Variants in TSHZ1 observed in about 807,000 individuals in gnomAD.
TSHZ1 encodes teashirt homolog 1.
In TSHZ1, 12 loss-of-function variants were observed where a neutral mutation model predicts 67.1. The observed-to-expected ratio is 0.18, with a 90% CI of 0.11 to 0.29. TSHZ1 has a LOEUF of 0.29. TSHZ1 is among the 10% of genes least tolerant of loss of function. The pLI is 1.00. For missense variants in TSHZ1, 1,305 were observed against 1,413.9 expected, an observed-to-expected ratio of 0.92 and a Z score of 1.23; for synonymous variants, 632 against 622.4, an observed-to-expected ratio of 1.02 and a Z score of -0.23.
chr18:75,269,624 T>C (rs1245727190), intron 1 of TSHZ1, among the ~76,000 whole-genome samples: 1 of 152,200 alleles, frequency 6.6e-6, no homozygotes, highest in Non-Finnish European at 1.5e-5. Context: ...TATTTTTCTA[T>C]TGTAGTAAAA....
At chr18:75,259,070 C>T (rs1010817238) in intron 1 of TSHZ1, among the ~76,000 whole-genome samples, 2 of 152,184 alleles carry the variant, frequency 1.3e-5, no homozygotes, top group Non-Finnish European at 2.9e-5. Flanking sequence ...TTTCTGTTTT[C>T]CTCACCTTTC....
chr18:75,286,383 A>G lies in TSHZ1; in HGVS notation c.976A>G (p.Met326Val), dbSNP rs754555813. Residue 326 changes from methionine to valine, a missense_variant, in exon 2 of 2, where the codon ATG becomes GTG. Physicochemically the swap from Met to Val is conservative, Grantham distance 21. Transcript: ENST00000580243. The surrounding 1 kb of genome is among the most constrained non-coding windows in gnomAD (Gnocchi z 5.1). ...GTCCTTGCAGGACCTCAGCGTCCAC[A>G]TGATCAAAACCAAGCATTACCAGAA... ...FESLQDLSVH[M>V]IKTKHYQKVP... 3 of 1,614,056 alleles carry G rather than the reference A, an allele frequency of 1.9e-6. No individual in the cohort carries two copies. The highest frequency in any genetic ancestry group is 2.5e-6 in the Non-Finnish European group (3 of 1,180,044).
intron 1 of TSHZ1, among the ~76,000 whole-genome samples, chr18:75,264,489 T>C (rs1191728059): frequency 3.8e-5 from 1 of 26,190 alleles, no homozygotes. Flanking sequence ...GACAGATTTT[T>C]TTTTTTTTTT....
chr18:75,248,168 C>T (rs1203187338), intron 1 of TSHZ1, among the ~76,000 whole-genome samples: 2 of 152,212 alleles, frequency 1.3e-5, no homozygotes, highest in African/African-American at 2.4e-5. Flanking sequence ...ATCAGGCAGA[C>T]AAGACTTTCA....
intron 1 of TSHZ1, among the ~76,000 whole-genome samples, chr18:75,231,571 T>C (rs565853780): frequency 6.6e-6 from 1 of 152,332 alleles, no homozygotes; most frequent in Non-Finnish European, 1.5e-5. Context: ...AGTCTCGCTC[T>C]GTCCCCAGGC....
In TSHZ1 at chr18:75,285,736, A is replaced by G; in HGVS notation, c.329A>G (p.Gln110Arg). Reference sequence around the variant, plus strand: ...TGTCCCGACAGCGTCTCGTACCCCCAGGACAGCCTGGCACAGATCAAAGCT... The same window carrying G: ...TGTCCCGACAGCGTCTCGTACCCCCGGGACAGCCTGGCACAGATCAAAGCT... ...PQCPDSVSYP[Q>R]DSLAQIKAVY... Residue 110 changes from glutamine to arginine, a missense_variant, in exon 2 of 2, where the codon CAG becomes CGG. Physicochemically the swap from Gln to Arg is conservative, Grantham distance 43. Coordinates refer to ENST00000580243, the MANE Select transcript of TSHZ1 (RefSeq NM_001308210.2). The G allele has an allele frequency of 5.6e-6, 9 of 1,614,106 alleles. No individual in the cohort carries two copies. Among genetic ancestry groups the G allele is most frequent in the Non-Finnish European group, 6.8e-6 (8 of 1,179,988 alleles).
intron 1 of TSHZ1, among the ~76,000 whole-genome samples, chr18:75,280,412 C>T (rs1946339933): frequency 6.6e-6 from 1 of 152,332 alleles, no homozygotes; most frequent in African/African-American, 2.4e-5. Flanking sequence ...GTGTCTGGCA[C>T]ATAATGGCTG....
At position 75,285,890 on chromosome 18, in the gene TSHZ1, C is replaced by A. The variant is rs143523598; in HGVS notation, c.483C>A (p.Pro161=). 4.0e-5 allele frequency: 62 copies of A among 1,542,318 alleles called. No individual in the cohort carries two copies. The East Asian group carries it at 6.1e-4, about 15-fold the overall frequency. ...KESSAPTPTP[P]TCPVSTTGPT... ...GCTCCGCCCCCACCCCCACACCCCC[C>A]ACCTGCCCCGTCAGCACCACTGGCC... Residue 161 remains proline (P), a synonymous_variant, in exon 2 of 2, where the codon CCC becomes CCA. Coordinates refer to ENST00000580243, the MANE Select transcript of TSHZ1 (RefSeq NM_001308210.2).
At chr18:75,257,203 A>AGATT (rs1411143111) in intron 1 of TSHZ1, among the ~76,000 whole-genome samples, 1 of 152,230 alleles carries the variant, frequency 6.6e-6, no homozygotes, top group Non-Finnish European at 1.5e-5. Flanking sequence ...CTTCATTGAG[A>AGATT]GATTATTCAA....
intron 1 of TSHZ1, among the ~76,000 whole-genome samples, chr18:75,220,724 C>A (rs895335734): frequency 6.6e-6 from 1 of 152,150 alleles, no homozygotes; most frequent in Non-Finnish European, 1.5e-5. Flanking sequence ...TTTCCAGGCT[C>A]TCGTTTCTGG....
rs527267923 is a variant in TSHZ1 at position 75,223,216 on chromosome 18, A to G, written c.40+11300A>G. Among the ~76,000 whole-genome samples the G allele has an allele frequency of 2.0e-5, 3 of 152,328 alleles. No individual in the cohort carries two copies. In the South Asian group the frequency reaches 6.2e-4, roughly 32 times the overall value. ...AGGGATACATGGAAATTATATATAT[A>G]TAAATTCGTTTGTCTGTTTCTATAG... On this transcript the variant is annotated intron_variant, in intron 1 of 1. Transcript: ENST00000580243.
In TSHZ1 at chr18:75,281,789, G is replaced by C. The variant is rs2023689778; in HGVS notation, c.41-3659G>C. 6.6e-6 allele frequency among the ~76,000 whole-genome samples: 1 copy of C among 152,106 alleles called. No individual in the cohort carries two copies. Among genetic ancestry groups the C allele is most frequent in the Admixed American group, 6.5e-5 (1 of 15,284 alleles). On this transcript the variant is annotated intron_variant, in intron 1 of 1. Transcript: ENST00000580243. The surrounding 1 kb of genome is among the most constrained non-coding windows in gnomAD (Gnocchi z 5.3). ...GCAACCGGGTGGGGAGTGAGAAGTT[G>C]CCTCCAGATGGCATCTGGAAGGGGG...
At chr18:75,240,360 T>A (rs571492831) in intron 1 of TSHZ1, among the ~76,000 whole-genome samples, 1 of 151,394 alleles carries the variant, frequency 6.6e-6, no homozygotes, top group South Asian at 2.1e-4. Context: ...AAAAAAGGCA[T>A]TGCTCCTTTT....
chr18:75,231,874 A>G (rs1278813791), intron 1 of TSHZ1, among the ~76,000 whole-genome samples: 1 of 151,802 alleles, frequency 6.6e-6, no homozygotes, highest in Non-Finnish European at 1.5e-5. Context: ...GGCTTCAAAA[A>G]TTATCCCTAG....
rs2023821884 is a variant in TSHZ1 at position 75,288,729 on chromosome 18, TC to T, written c.*90del. ...GGCCTGAGCCTCTGAAATCAGTCTT[TC>T]CTTTGTTGCTGGCCCGCCTCTCTGG... On this transcript the variant is annotated 3_prime_UTR_variant, in exon 2 of 2. Coordinates refer to ENST00000580243, the MANE Select transcript of TSHZ1 (RefSeq NM_001308210.2). The surrounding 1 kb of genome is among the most constrained non-coding windows in gnomAD (Gnocchi z 4.9). 11 of 1,505,642 alleles carry T rather than the reference TC, an allele frequency of 7.3e-6. No homozygotes were observed. The highest frequency in any genetic ancestry group is 2.1e-4 in the Middle Eastern group (1 of 4,776). 93.3% of individuals were successfully genotyped at this position (1,505,642 alleles called of 1,614,324 possible).
intron 1 of TSHZ1, among the ~76,000 whole-genome samples, chr18:75,248,666 G>A (rs553452903): frequency 1.2e-4 from 18 of 152,184 alleles, no homozygotes; most frequent in Admixed American, 7.2e-4. Flanking sequence ...CCCCTCATTT[G>A]GAATCCATTT....
intron 1 of TSHZ1, among the ~76,000 whole-genome samples, chr18:75,242,777 G>A (rs1415245438): frequency 6.6e-6 from 1 of 152,196 alleles, no homozygotes; most frequent in Non-Finnish European, 1.5e-5. Context: ...GGTACTAGCT[G>A]ATTGTTGCTT....
chr18:75,260,575 A>G (rs1411077357), intron 1 of TSHZ1, among the ~76,000 whole-genome samples: 2 of 152,222 alleles, frequency 1.3e-5, no homozygotes, highest in Non-Finnish European at 2.9e-5. Context: ...AGTATTGTGC[A>G]TAAAGTTCAG....
At chr18:75,219,525 G>A (rs1299297493) in intron 1 of TSHZ1, among the ~76,000 whole-genome samples, 2 of 152,194 alleles carry the variant, frequency 1.3e-5, no homozygotes, top group African/African-American at 4.8e-5. Context: ...TGGAAGTAAA[G>A]GTTAAATCGG....
Sources: gnomAD v4.1 joint callset for allele counts (sites outside exome capture counted in the v4.1 genomes callset) on GRCh38, gnomAD v4.1.1 for gene constraint, Gnocchi (gnomAD v3.1) non-coding constraint, MANE v1.5 for transcripts, NCBI Gene and HGNC (gene_info 2026-07-23, HGNC 2026-07-21) for gene names.